IGSF9B: variants seen among roughly 807,000 people sequenced by gnomAD.
IGSF9B encodes protein turtle homolog B.
IGSF9B carries 48 observed loss-of-function variants against 143.7 expected under a neutral mutation model. The observed-to-expected ratio is 0.33, with a 90% CI of 0.26 to 0.42. The LOEUF (loss-of-function observed/expected upper bound fraction) is 0.42, where lower values mean the gene tolerates loss of function less well. IGSF9B is among the 20% of genes least tolerant of loss of function. The pLI is 1.00. For missense variants in IGSF9B, 1,706 were observed against 1,980.0 expected (o/e 0.86, Z 2.63); for synonymous variants, 903 against 833.1 (o/e 1.08, Z -1.44).
In IGSF9B at chr11:133,922,716, G is replaced by C; in HGVS notation, c.2134C>G (p.Pro712Ala). ...GCCAGCCCATCCTCGGTCAGGTCCG[G>C]CTGCGGGAAGATGTCTGCAGGGAGG... Reference protein sequence around the residue: ...GVSSTDIFPQPDLTEDGLARP... With the variant: ...GVSSTDIFPQADLTEDGLARP... The change falls in exon 16 of 20, where the codon CCG becomes GCG. Residue 712 changes from proline to alanine, a missense_variant. Around this residue, in one of 7 missense-constraint regions of IGSF9B, gnomAD observed 267 missense variants for 321.1 expected, o/e 0.83. Coordinates refer to ENST00000533871, the MANE Select transcript of IGSF9B (RefSeq NM_001277285.4). The C allele has an allele frequency of 6.4e-7, 1 of 1,570,442 alleles. No homozygotes were observed. The highest frequency in any genetic ancestry group is 8.6e-7 in the Non-Finnish European group (1 of 1,160,160).
At position 133,945,318 on chromosome 11, in the gene IGSF9B, A is replaced by G. The variant is rs142151960; in HGVS notation, c.262+743T>C. ...AAAAGAGAGCATGAGACATGGGCAC[A>G]GGAGCGAAAGAGGGACAGAGACGGA... On this transcript the variant is annotated intron_variant, in intron 2 of 19. Transcript: ENST00000533871. This position sits in a 1 kb window ranked among gnomAD's most constrained non-coding sequence, Gnocchi z 4.6. Among the ~76,000 whole-genome samples the G allele has an allele frequency of 6.6e-6, 1 of 152,360 alleles. No individual in the cohort carries two copies. Among genetic ancestry groups the G allele is most frequent in the Non-Finnish European group, 1.5e-5 (1 of 68,038 alleles).
At position 133,904,649 on chromosome 11, in the gene IGSF9B, T is replaced by G. The variant is rs1200277777; in HGVS notation, c.*4420A>C. ...TGGGATGATCCCCCAGTGTGTACCCTGCACCCTTACAAGTAACTAAGTTAT... is the reference window on the plus strand; with the variant it reads ...TGGGATGATCCCCCAGTGTGTACCCGGCACCCTTACAAGTAACTAAGTTAT... On this transcript the variant is annotated 3_prime_UTR_variant, in exon 20 of 20. Transcript: ENST00000533871. Among the ~76,000 whole-genome samples, 3 of 151,942 alleles carry G rather than the reference T, an allele frequency of 2.0e-5. No homozygotes were observed. The highest frequency in any genetic ancestry group is 4.4e-5 in the Non-Finnish European group (3 of 67,992).
At chr11:133,936,266 C>T in intron 5 of IGSF9B, 72 bp from the exon 6 acceptor site, 1 of 1,427,382 alleles carries the variant, frequency 7.0e-7, no homozygotes, top group South Asian at 1.2e-5. Context: ...CTCCTGGGAG[C>T]CCTCAGTGCC....
intron 5 of IGSF9B, among the ~76,000 whole-genome samples, chr11:133,936,978 A>ATT (rs773854564): frequency 2.0e-5 from 3 of 152,182 alleles, no homozygotes; most frequent in African/African-American, 4.8e-5. Flanking sequence ...TGTTATTTAA[A>ATT]TGTCTGGGGC....
At chr11:133,936,635 G>C (rs1028487776) in intron 5 of IGSF9B, among the ~76,000 whole-genome samples, 1 of 152,164 alleles carries the variant, frequency 6.6e-6, no homozygotes, top group Non-Finnish European at 1.5e-5. Flanking sequence ...ACAGACAAAG[G>C]GGGCAGCTGC....
At chr11:133,937,636 C>A in intron 4 of IGSF9B, 143 bp from the exon 5 acceptor site, 2 of 1,014,888 alleles carry the variant, frequency 2.0e-6, no homozygotes, top group South Asian at 3.2e-5. Flanking sequence ...GGGCAGGTGC[C>A]CCCTTGCCCA....
chr11:133,912,969 G>T (rs1327884166), intron 18 of IGSF9B, among the ~76,000 whole-genome samples: 4 of 152,186 alleles, frequency 2.6e-5, no homozygotes, highest in Non-Finnish European at 5.9e-5. Context: ...GACACTCGGT[G>T]CATATTGGAG....
intron 18 of IGSF9B, among the ~76,000 whole-genome samples, 191 bp downstream of exon 18, chr11:133,919,551 G>A (rs1267701788): frequency 2.6e-5 from 4 of 152,210 alleles, no homozygotes; most frequent in Non-Finnish European, 5.9e-5. Flanking sequence ...CTGGGCAGGT[G>A]GGCCCGCTGC....
chr11:133,914,690 C>A (rs1939350357), intron 18 of IGSF9B, among the ~76,000 whole-genome samples: 1 of 152,128 alleles, frequency 6.6e-6, no homozygotes. Flanking sequence ...CACACCAAGA[C>A]CCTCACCCAA....
rs1939033646 is a variant in IGSF9B, at chr11:133,897,187, C to G, written c.*11882G>C. 6.6e-6 allele frequency: 1 copy of G among 152,136 alleles called. No individual in the cohort carries two copies. The highest frequency in any genetic ancestry group is 1.5e-5 in the Non-Finnish European group (1 of 68,022). The allele number at this position is 152,136 out of a possible 1,614,324, so 9.4% of individuals were successfully genotyped here. ...GCTGTTTCCAATACACCTCCCTTCC[C>G]TGACGGAGAAGGGAAGGAGGCAGAA... On this transcript the variant is annotated 3_prime_UTR_variant, in exon 20 of 20. Transcript: ENST00000533871.
rs757348187 is a variant in IGSF9B at position 133,920,263 on chromosome 11, C to G, written c.3462G>C (p.Glu1154Asp). 2 of 1,519,544 alleles carry G rather than the reference C, an allele frequency of 1.3e-6. No homozygotes were observed. Among genetic ancestry groups the G allele is most frequent in the South Asian group, 2.6e-5 (2 of 76,494 alleles). 94.1% of individuals were successfully genotyped at this position (1,519,544 alleles called of 1,614,324 possible). Residue 1154 changes from glutamate (E) to aspartate (D), a missense_variant, in exon 18 of 20, where the codon GAG becomes GAC. Coordinates refer to ENST00000533871, the MANE Select transcript of IGSF9B (RefSeq NM_001277285.4). Reference protein sequence around the residue: ...IPVLPYPEPAEPGAHGGPSTF... With the variant: ...IPVLPYPEPADPGAHGGPSTF... ...TGCTGGGGCCGCCGTGCGCCCCCGG[C>G]TCAGCCGGCTCGGGGTAAGGCAGCA...
At position 133,932,187 on chromosome 11, in the gene IGSF9B, G is replaced by A. The variant is rs1011942837; in HGVS notation, c.994C>T (p.Pro332Ser). Residue 332 changes from proline to serine, a missense_variant, in exon 8 of 20, where the codon CCT becomes TCT. Around this residue, in one of 7 missense-constraint regions of IGSF9B, gnomAD observed 238 missense variants for 452.6 expected, o/e 0.53. Coordinates refer to ENST00000533871, the MANE Select transcript of IGSF9B (RefSeq NM_001277285.4). ...QYPARVLNMPPVIYVPVGIHG... is the reference protein window; with the variant it reads ...QYPARVLNMPSVIYVPVGIHG... ...ATCCCCACGGGCACGTAAATCACAG[G>A]GGGCATGTTGAGGACACGCGCTGGG... 1.8e-5 allele frequency: 29 copies of A among 1,583,474 alleles called. No individual in the cohort carries two copies. Among genetic ancestry groups the A allele is most frequent in the Admixed American group, 5.5e-5 (3 of 54,684 alleles).
chr11:133,938,283 C>T (rs551651789), intron 3 of IGSF9B, among the ~76,000 whole-genome samples: 67 of 152,292 alleles, frequency 4.4e-4, no homozygotes, highest in Middle Eastern at 3.4e-3. Flanking sequence ...ATCCTTCAGT[C>T]TTTCCCTTTA....
At position 133,937,952 on chromosome 11, in the gene IGSF9B, G is replaced by A. The variant is rs1416679830; in HGVS notation, c.419C>T (p.Thr140Ile). 1 of 1,613,354 alleles carries A rather than the reference G, an allele frequency of 6.2e-7. No individual in the cohort carries two copies. Among genetic ancestry groups the A allele is most frequent in the Non-Finnish European group, 8.5e-7 (1 of 1,179,638 alleles). ...WVHLTINAPP[T>I]FTETPPQYIE... Reference sequence around the variant, plus strand: ...GTACTGGGGGGGTGTTTCTGTAAAGGTGGGAGGGGCTGCAAAGGAGACCAC... The same window carrying A: ...GTACTGGGGGGGTGTTTCTGTAAAGATGGGAGGGGCTGCAAAGGAGACCAC... Residue 140 changes from threonine to isoleucine, a missense_variant, in exon 4 of 20, where the codon ACC (threonine) becomes ATC (isoleucine). By Grantham distance (89) the Thr-to-Ile change is moderately conservative (BLOSUM62 -1). Around this residue, in one of 7 missense-constraint regions of IGSF9B, gnomAD observed 171 missense variants for 213.9 expected, o/e 0.80. Coordinates refer to ENST00000533871, the MANE Select transcript of IGSF9B (RefSeq NM_001277285.4).
chr11:133,918,380 G>A (rs1011003216), intron 18 of IGSF9B, among the ~76,000 whole-genome samples: 1 of 152,202 alleles, frequency 6.6e-6, no homozygotes, highest in Non-Finnish European at 1.5e-5. Flanking sequence ...GGGAAGCAGG[G>A]AGGGGCACAG....
intron 18 of IGSF9B, among the ~76,000 whole-genome samples, chr11:133,919,526 C>T (rs904400512): frequency 2.6e-5 from 4 of 152,202 alleles, no homozygotes; most frequent in African/African-American, 9.6e-5. Flanking sequence ...ACGCCTCATG[C>T]TCCCGGCAGG....
intron 11 of IGSF9B, 114 bp downstream of exon 11, chr11:133,930,870 A>AG (rs1939711726): frequency 9.0e-7 from 1 of 1,106,564 alleles, no homozygotes; most frequent in Admixed American, 2.8e-5. Context: ...CTGACTTAGG[A>AG]AGGGAGCCCG....
rs539461339 is a variant in IGSF9B, at chr11:133,921,706, C to T, written c.2328-309G>A. ...GTGTGAGCCGCCGCGCCCGGCCCCC[C>T]CCATCATCCGTCTTTCCAGTGAACA... On this transcript the variant is annotated intron_variant, in intron 17 of 19. Coordinates refer to ENST00000533871, the MANE Select transcript of IGSF9B (RefSeq NM_001277285.4). Among the ~76,000 whole-genome samples, 8 of 152,184 alleles carry T rather than the reference C, an allele frequency of 5.3e-5. No homozygotes were observed. The South Asian group carries it at 1.5e-3, about 28-fold the overall frequency.
intron 1 of IGSF9B, among the ~76,000 whole-genome samples, chr11:133,947,298 C>T (rs996788927): frequency 6.6e-6 from 1 of 152,196 alleles, no homozygotes; most frequent in African/African-American, 2.4e-5. Context: ...GCCACAAGGT[C>T]ACCTTGTCCA....
Sources: gnomAD v4.1 joint callset for allele counts (sites outside exome capture counted in the v4.1 genomes callset) on GRCh38, gnomAD v4.1.1 for gene constraint, gnomAD v4.1.1 regional missense constraint, Gnocchi (gnomAD v3.1) non-coding constraint, MANE v1.5 for transcripts, NCBI Gene and HGNC (gene_info 2026-07-23, HGNC 2026-07-21) for gene names.